STK38: variants seen among roughly 807,000 people sequenced by gnomAD.
STK38 encodes serine/threonine kinase 38.
In STK38, 26 loss-of-function variants were observed where a neutral mutation model predicts 59.0. That is an observed-to-expected ratio of 0.44 (90% CI 0.32 to 0.61). The LOEUF (loss-of-function observed/expected upper bound fraction) is 0.61, where lower values mean the gene tolerates loss of function less well. STK38 is among the 20% of genes least tolerant of loss of function. The pLI is 0.04. For synonymous variants in STK38, 175 were observed against 176.6 expected (o/e 0.99, Z 0.07); for missense variants, 433 against 566.0 (o/e 0.76, Z 2.38).
intron 7 of STK38, among the ~76,000 whole-genome samples, chr6:36,514,566 T>C (rs1318763629): frequency 7.9e-5 from 12 of 152,120 alleles, no homozygotes; most frequent in African/African-American, 2.9e-4. Flanking sequence ...GTAAAGAGAT[T>C]TGCCAAGGGT....
intron 5 of STK38, among the ~76,000 whole-genome samples, chr6:36,520,903 C>G (rs183043340): frequency 1.3e-5 from 2 of 152,256 alleles, no homozygotes; most frequent in African/African-American, 4.8e-5. Flanking sequence ...CAATCTCCAT[C>G]CCCCCTCTTT....
intron 5 of STK38, among the ~76,000 whole-genome samples, chr6:36,521,431 C>T (rs1310698001): frequency 6.6e-6 from 1 of 151,508 alleles, no homozygotes; most frequent in African/African-American, 2.4e-5. Flanking sequence ...CCACGTACGA[C>T]CTCAAAAAAA....
intron 13 of STK38, 129 bp from the exon 14 acceptor site, chr6:36,496,043 ATT>A (rs34301019): frequency 0.048 from 29,120 of 602,366 alleles, no homozygotes; most frequent in South Asian, 0.07. Context: ...CACTCTATGA[ATT>A]TTTTTTTTTT....
In STK38 at chr6:36,499,846, AAAGTCCT is replaced by A; in HGVS notation, c.952+20_952+26del. On this transcript the variant is annotated intron_variant, in intron 10 of 13. Transcript: ENST00000229812. ...AAAAGTCTGTCATGGATGCACAGAA[AAAGTCCT>A]CTGAAACCATGCAACTTACCGATGA... The A allele has an allele frequency of 6.3e-7, 1 of 1,582,270 alleles. No individual in the cohort carries two copies. Among genetic ancestry groups the A allele is most frequent in the Non-Finnish European group, 8.7e-7 (1 of 1,151,292 alleles).
At chr6:36,516,788 C>T (rs1462557293) in intron 6 of STK38, among the ~76,000 whole-genome samples, 1 of 152,168 alleles carries the variant, frequency 6.6e-6, no homozygotes, top group Non-Finnish European at 1.5e-5. Flanking sequence ...TGCTCTATGG[C>T]TCTGCAGGCC....
chr6:36,525,568 A>G, intron 3 of STK38, 23 bp downstream of exon 3: 1 of 1,611,256 alleles, frequency 6.2e-7, no homozygotes, highest in Non-Finnish European at 8.5e-7. Context: ...GGTTTTAAGG[A>G]AAACATTGCC....
Position 36,514,480 on chromosome 6 carries a change from T to C in STK38, c.669+858A>G, listed in dbSNP as rs148324370. Among the ~76,000 whole-genome samples, 459 of 152,290 alleles carry C rather than the reference T, an allele frequency of 3.0e-3. 2 individuals carry two copies. Among genetic ancestry groups the C allele is most frequent in the African/African-American group, 0.01 (432 of 41,562 alleles). On this transcript the variant is annotated intron_variant, in intron 7 of 13. Transcript: ENST00000229812. ...AACAGAAAACAACATTCTAGAGTTT[T>C]AGAGGTGAACGGGATTTTAGGGGTT...
At chr6:36,500,454 G>A (rs1776809400) in intron 9 of STK38, among the ~76,000 whole-genome samples, 1 of 151,868 alleles carries the variant, frequency 6.6e-6, no homozygotes, top group Non-Finnish European at 1.5e-5. Context: ...TTAGGTGGTA[G>A]AGCCCAGTTT....
chr6:36,497,737 G>C lies in STK38; in HGVS notation c.1172+43C>G, dbSNP rs781271811. ...TTCCAAATTATTATTAAGTAAACTAGAGACTTTCTGAAATAATTCTGAAAG... is the reference window on the plus strand; with the variant it reads ...TTCCAAATTATTATTAAGTAAACTACAGACTTTCTGAAATAATTCTGAAAG... On this transcript the variant is annotated intron_variant, in intron 12 of 13. Transcript: ENST00000229812. The C allele has an allele frequency of 2.6e-5, 39 of 1,484,440 alleles. No homozygotes were observed. The East Asian group carries it at 5.9e-4, about 22-fold the overall frequency. The allele number at this position is 1,484,440 out of a possible 1,614,324, so 92.0% of individuals were successfully genotyped here. A position where few individuals can be genotyped will look rare whatever the true frequency, so the allele number is the denominator to read the frequency against.
intron 2 of STK38, among the ~76,000 whole-genome samples, chr6:36,538,033 G>A (rs930842510): frequency 1.3e-5 from 2 of 152,202 alleles, no homozygotes; most frequent in African/African-American, 4.8e-5. Context: ...AGGCACGGTG[G>A]CTCACGCCTG....
At chr6:36,507,690 T>C (rs917092413) in intron 7 of STK38, 88 bp from the exon 8 acceptor site, 71 of 910,184 alleles carry the variant, frequency 7.8e-5, no homozygotes, top group Non-Finnish European at 1.0e-4. Flanking sequence ...GCATCCATTA[T>C]AGCTCTACAG....
chr6:36,535,469 C>T (rs181695399), intron 2 of STK38, among the ~76,000 whole-genome samples: 6 of 152,002 alleles, frequency 3.9e-5, no homozygotes, highest in Admixed American at 1.3e-4. Context: ...AACAAACAAG[C>T]AAGCAAACAA....
intron 10 of STK38, among the ~76,000 whole-genome samples, chr6:36,498,857 C>G (rs1776770280): frequency 6.6e-6 from 1 of 152,130 alleles, no homozygotes; most frequent in African/African-American, 2.4e-5. Flanking sequence ...TCCCAAAGTG[C>G]TGGGATTACA....
At position 36,507,050 on chromosome 6, in the gene STK38, A is replaced by G. The variant is rs137857574; in HGVS notation, c.773-406T>C. 2.4e-3 allele frequency among the ~76,000 whole-genome samples: 360 copies of G among 152,358 alleles called. 2 individuals carry two copies. Among genetic ancestry groups the G allele is most frequent in the African/African-American group, 8.2e-3 (343 of 41,576 alleles). ...TCAGGGACATCTGAATTTATGATAC[A>G]TGATTTGACATATGCTTTTCTAGGA... On this transcript the variant is annotated intron_variant, in intron 8 of 13. Coordinates refer to ENST00000229812, the MANE Select transcript of STK38 (RefSeq NM_007271.4).
At chr6:36,508,378 CAG>C (rs1255248312) in intron 7 of STK38, among the ~76,000 whole-genome samples, 2 of 152,344 alleles carry the variant, frequency 1.3e-5, no homozygotes, top group South Asian at 2.1e-4. Flanking sequence ...TCCCCTCTGA[CAG>C]AGTCTGTATT....
intron 1 of STK38, among the ~76,000 whole-genome samples, chr6:36,545,107 T>C (rs1778027649): frequency 6.6e-6 from 1 of 151,568 alleles, no homozygotes; most frequent in Admixed American, 6.6e-5. Context: ...TTGGCCAACA[T>C]GGTGAAAGCC....
At chr6:36,543,698 A>G (rs1212523609) in intron 1 of STK38, among the ~76,000 whole-genome samples, 5 of 151,880 alleles carry the variant, frequency 3.3e-5, no homozygotes, top group Non-Finnish European at 7.4e-5. Flanking sequence ...CTGGAGTGCA[A>G]TGGCACAATC....
chr6:36,518,144 C>G (rs900555425), intron 5 of STK38, among the ~76,000 whole-genome samples: 3 of 152,208 alleles, frequency 2.0e-5, no homozygotes, highest in South Asian at 4.1e-4. Flanking sequence ...GTTAAAATTA[C>G]TACTCTTTTG....
At chr6:36,522,585 G>A (rs188333347) in intron 4 of STK38, 167 of 152,184 alleles carry the variant, frequency 1.1e-3, no homozygotes, top group Non-Finnish European at 1.6e-3. Context: ...GGCCAGGCGC[G>A]GTAGCTCACA....
Sources: allele counts gnomAD v4.1 joint callset (sites outside exome capture counted in the v4.1 genomes callset), GRCh38; gene constraint gnomAD v4.1.1; transcripts MANE v1.5; gene names NCBI Gene and HGNC (gene_info 2026-07-23, HGNC 2026-07-21).